WDR35: variants seen among roughly 807,000 people sequenced by gnomAD.
WDR35 encodes WD repeat domain 35.
In WDR35, 118 loss-of-function variants were observed where a neutral mutation model predicts 158.3. The observed-to-expected ratio is 0.75, with a 90% CI of 0.64 to 0.87. WDR35 has a LOEUF of 0.87. WDR35 is among the 40% of genes least tolerant of loss of function. The probability of loss-of-function intolerance (pLI) is 0.00; values close to 1 mark genes in which losing one functional copy is unlikely to be tolerated. For synonymous variants in WDR35, 448 were observed against 476.1 expected, an observed-to-expected ratio of 0.94 and a Z score of 0.77; for missense variants, 1,263 against 1,405.8, an observed-to-expected ratio of 0.90 and a Z score of 1.62.
At chr2:19,975,769 T>C (rs1672189775) in intron 5 of WDR35, 106 bp from the exon 6 acceptor site, 4 of 1,437,560 alleles carry the variant, frequency 2.8e-6, no homozygotes, top group Non-Finnish European at 3.9e-6. Flanking sequence ...ACAGCATTCA[T>C]GCATTCATTC....
intron 25 of WDR35, among the ~76,000 whole-genome samples, chr2:19,918,257 A>C (rs187213362): frequency 1.7e-4 from 26 of 152,370 alleles, no homozygotes; most frequent in African/African-American, 6.3e-4. Context: ...AAACATGGAA[A>C]GGAACAACCA....
intron 24 of WDR35, 88 bp from the exon 25 acceptor site, chr2:19,930,640 A>ACTTT: frequency 1.3e-6 from 2 of 1,565,554 alleles, no homozygotes; most frequent in Non-Finnish European, 1.7e-6. Context: ...TAAAGTATCT[A>ACTTT]AATGAGCAGA....
chr2:19,939,079 C>T (rs1670791264), intron 17 of WDR35, among the ~76,000 whole-genome samples: 1 of 152,194 alleles, frequency 6.6e-6, no homozygotes, highest in Non-Finnish European at 1.5e-5. Flanking sequence ...CATTTTCACA[C>T]ATTCTAGAGC....
Position 19,951,422 on chromosome 2 carries a change from G to T in WDR35, c.1463C>A (p.Thr488Asn), listed in dbSNP as rs1307472061. Residue 488 changes from threonine (T) to asparagine (N), a missense_variant, in exon 13 of 27, where the codon ACC (threonine) becomes AAC (asparagine). By Grantham distance (65) the Thr-to-Asn change is moderately conservative. Coordinates refer to ENST00000281405, the MANE Select transcript of WDR35 (RefSeq NM_020779.4). ...AAAATTAAAATCACCTACTTGAATG[G>T]TTTTACTATAATCAAGCACACCATC... Reference protein sequence around the residue: ...SMDGVLDYSKTIQGTRDPICA... With the variant: ...SMDGVLDYSKNIQGTRDPICA... 1 of 1,609,618 alleles carries T rather than the reference G, an allele frequency of 6.2e-7. No homozygotes were observed. The highest frequency in any genetic ancestry group is 8.5e-7 in the Non-Finnish European group (1 of 1,177,468).
At chr2:19,941,197 A>G (rs1182135787) in intron 17 of WDR35, among the ~76,000 whole-genome samples, 2 of 152,184 alleles carry the variant, frequency 1.3e-5, no homozygotes, top group African/African-American at 4.8e-5. Flanking sequence ...TCTTAGAGAA[A>G]AAAAATTCTC....
chr2:19,962,263 TC>T (rs1671687386), intron 10 of WDR35: 1 of 1,612,428 alleles, frequency 6.2e-7, no homozygotes, highest in African/African-American at 1.3e-5. Flanking sequence ...TATCCTATGA[TC>T]AGCTATATAA....
chr2:19,925,824 C>G lies in WDR35; in HGVS notation c.3121+4572G>C, dbSNP rs189374056. On this transcript the variant is annotated intron_variant, in intron 25 of 26. Coordinates refer to ENST00000281405, the MANE Select transcript of WDR35 (RefSeq NM_020779.4). ...CCCTGGTATGGGACTAGAAAAAAAT[C>G]TGCAAGCTTTGGAAGAACCGCTTCA... Among the ~76,000 whole-genome samples, 61 of 152,266 alleles carry G rather than the reference C, an allele frequency of 4.0e-4. 1 individual carries two copies. Among genetic ancestry groups the G allele is most frequent in the Middle Eastern group, 3.4e-3 (1 of 294 alleles).
intron 23 of WDR35, 145 bp downstream of exon 23, chr2:19,932,138 A>T: frequency 9.8e-7 from 1 of 1,018,694 alleles, no homozygotes; most frequent in Non-Finnish European, 1.4e-6. Flanking sequence ...AATAATACTA[A>T]AATAATGTAT....
rs562779752 is a variant in WDR35, at chr2:19,979,548, G to A, written c.308-669C>T. 7.2e-5 allele frequency among the ~76,000 whole-genome samples: 11 copies of A among 152,202 alleles called. No individual in the cohort carries two copies. In the East Asian group the frequency reaches 2.1e-3, roughly 29 times the overall value. ...CTTGTCTTTTAGCATAACCAAACTA[G>A]AAGCAAAAAAATAGGCTATTTTGTT... On this transcript the variant is annotated intron_variant, in intron 4 of 26. Coordinates refer to ENST00000281405, the MANE Select transcript of WDR35 (RefSeq NM_020779.4).
At chr2:19,917,239 T>C (rs918993771) in intron 25 of WDR35, among the ~76,000 whole-genome samples, 1 of 152,160 alleles carries the variant, frequency 6.6e-6, no homozygotes, top group Non-Finnish European at 1.5e-5. Flanking sequence ...CATCCGAAGG[T>C]CACCGACTTC....
At position 19,969,538 on chromosome 2, in the gene WDR35, T is replaced by C; in HGVS notation, c.950A>G (p.Lys317Arg). 6.2e-7 allele frequency: 1 copy of C among 1,613,944 alleles called. No individual in the cohort carries two copies. Among genetic ancestry groups the C allele is most frequent in the Non-Finnish European group, 8.5e-7 (1 of 1,179,926 alleles). ...SALSWEGGGL[K>R]IALAVDSFIY... ...AAAGGAATCAACAGCTAGTGCAATT[T>C]TCAGTCCACCTCCTTCCCAAGATAG... is the stretch of plus-strand genomic sequence containing the variant. Residue 317 changes from lysine (K) to arginine (R), a missense_variant, in exon 9 of 27, where the codon AAA becomes AGA. Coordinates refer to ENST00000281405, the MANE Select transcript of WDR35 (RefSeq NM_020779.4).
chr2:19,952,781 CT>C (rs773596785), intron 12 of WDR35, among the ~76,000 whole-genome samples: 519 of 86,272 alleles, frequency 6.0e-3, no homozygotes, highest in African/African-American at 0.014. Context: ...ACTCAACATA[CT>C]TTTTTTTTTT....
intron 10 of WDR35, among the ~76,000 whole-genome samples, chr2:19,965,647 C>T (rs1486143340): frequency 6.6e-6 from 1 of 152,156 alleles, no homozygotes; most frequent in Non-Finnish European, 1.5e-5. Context: ...AGTTCCCCCA[C>T]CCTCAGCTCT....
chr2:19,989,722 G>A (rs1403815128), intron 1 of WDR35, among the ~76,000 whole-genome samples: 1 of 152,238 alleles, frequency 6.6e-6, no homozygotes, highest in African/African-American at 2.4e-5. Context: ...AGGGTAGCAC[G>A]TGGCGACTTA....
chr2:19,914,696 C>G (rs575714045), intron 25 of WDR35, among the ~76,000 whole-genome samples: 5 of 152,136 alleles, frequency 3.3e-5, no homozygotes, highest in Admixed American at 2.6e-4. Context: ...AAAAGCAAAA[C>G]AATATAAGCA....
At position 19,973,705 on chromosome 2, in the gene WDR35, G is replaced by T; in HGVS notation, c.740C>A (p.Pro247His). 1 of 1,613,108 alleles carries T rather than the reference G, an allele frequency of 6.2e-7. No homozygotes were observed. Among genetic ancestry groups the T allele is most frequent in the Non-Finnish European group, 8.5e-7 (1 of 1,179,474 alleles). The change falls in exon 8 of 27, where the codon CCC becomes CAC. Residue 247 changes from proline (P) to histidine (H), a missense_variant. Coordinates refer to ENST00000281405, the MANE Select transcript of WDR35 (RefSeq NM_020779.4). ...QIMRHENDQNPVLIDTGMYVV... is the reference protein window; with the variant it reads ...QIMRHENDQNHVLIDTGMYVV... ...GTACATGCCAGTGTCAATCAAAACG[G>T]GATCTAGTCAGAAAGAGAAAAATGA...
intron 9 of WDR35, 35 bp downstream of exon 9, chr2:19,969,445 A>G: frequency 1.3e-6 from 2 of 1,591,204 alleles, no homozygotes; most frequent in Non-Finnish European, 8.6e-7. Context: ...TTAGTAAGAA[A>G]CACTGTTTAT....
At chr2:19,984,792 T>G (rs1342146465) in intron 2 of WDR35, among the ~76,000 whole-genome samples, 4 of 152,218 alleles carry the variant, frequency 2.6e-5, no homozygotes, top group Non-Finnish European at 5.9e-5. Flanking sequence ...TCATAAAAGT[T>G]GTCAGCAGCC....
chr2:19,978,544 A>T (rs1466988539), intron 5 of WDR35, among the ~76,000 whole-genome samples: 2 of 152,232 alleles, frequency 1.3e-5, no homozygotes, highest in Admixed American at 1.3e-4. Flanking sequence ...TGTAGGAAAT[A>T]AAAAAATTTC....
Sources: gnomAD v4.1 joint callset for allele counts (sites outside exome capture counted in the v4.1 genomes callset) on GRCh38, gnomAD v4.1.1 for gene constraint, MANE v1.5 for transcripts, NCBI Gene and HGNC (gene_info 2026-07-23, HGNC 2026-07-21) for gene names.